The following PSMC6 variants were observed in gnomAD, a reference collection of about 807,000 sequenced individuals.
PSMC6 encodes the protein 26S proteasome regulatory subunit 10B.
A neutral mutation model predicts 55.9 loss-of-function variants in PSMC6; 3 were observed. The ratio of observed to expected loss-of-function variants is 0.05; its 90% CI spans 0.02 to 0.14. The LOEUF is 0.14. Ranked by LOEUF, PSMC6 falls within the 10% of genes least tolerant of loss-of-function variation. The pLI, the probability that PSMC6 is intolerant of heterozygous loss-of-function variation, is 1.00. For missense variants in PSMC6, 210 were observed against 478.7 expected, an observed-to-expected ratio of 0.44 and a Z score of 5.24; for synonymous variants, 137 against 155.9, an observed-to-expected ratio of 0.88 and a Z score of 0.90.
At chr14:52,713,393 G>A (rs2041796333) in intron 6 of PSMC6, among the ~76,000 whole-genome samples, 2 of 152,074 alleles carry the variant, frequency 1.3e-5, no homozygotes, top group African/African-American at 4.8e-5. Flanking sequence ...GATAAAAATT[G>A]TATATACCTT....
chr14:52,708,391 A>G lies in PSMC6; in HGVS notation c.165+3A>G. On this transcript the variant is annotated splice_donor_region_variant and intron_variant, in intron 2 of 13. Transcript: ENST00000445930. ...AGGCCCTACAGAGTGTTGGGCAGGT[A>G]GGTGATGGAGTTTGGGGAATAGGGG... The G allele has an allele frequency of 6.2e-7, 1 of 1,613,352 alleles. No homozygotes were observed. The highest frequency in any genetic ancestry group is 8.5e-7 in the Non-Finnish European group (1 of 1,179,298).
Position 52,727,524 on chromosome 14 carries a change from T to G in PSMC6, c.1077T>G (p.His359Gln). The G allele has an allele frequency of 6.2e-7, 1 of 1,612,040 alleles. No individual in the cohort carries two copies. The change falls in exon 14 of 14, where the codon CAT (histidine) becomes CAG (glutamine). Residue 359 changes from histidine (H) to glutamine (Q), a missense_variant. His to Gln is a conservative substitution (Grantham distance 24, BLOSUM62 0). Around this residue, in one of 4 missense-constraint regions of PSMC6, gnomAD observed 79 missense variants for 158.7 expected, o/e 0.50. Coordinates refer to ENST00000445930, the MANE Select transcript of PSMC6 (RefSeq NM_002806.5). ...EAGMFAIRAD[H>Q]DFVVQEDFMK... is the part of the protein sequence containing the mutation. ...GTATGTTCGCAATTCGTGCTGATCA[T>G]GATTTTGTAGTACAGGAAGACTTCA...
chr14:52,713,786 G>A (rs906412745), intron 6 of PSMC6, 95 bp from the exon 7 acceptor site: 2 of 756,770 alleles, frequency 2.6e-6, no homozygotes, highest in Non-Finnish European at 4.4e-6. Flanking sequence ...ATTATGATGT[G>A]TACACCTAAC....
At position 52,722,328 on chromosome 14, in the gene PSMC6, T is replaced by G. The variant is rs561546391; in HGVS notation, c.979+1138T>G. On this transcript the variant is annotated intron_variant, in intron 12 of 13. Coordinates refer to ENST00000445930, the MANE Select transcript of PSMC6 (RefSeq NM_002806.5). ...GTAGAAGGGGAATGCCGATGAGGAG[T>G]TGGCAGAGTTTTCTATAAGATGGAA... The G allele has an allele frequency of 2.0e-5, 3 of 151,394 alleles. No individual in the cohort carries two copies. The East Asian group carries it at 5.8e-4, about 29-fold the overall frequency. 9.4% of individuals were successfully genotyped at this position (151,394 alleles called of 1,614,324 possible). A position where few individuals can be genotyped will look rare whatever the true frequency, so the allele number is the denominator to read the frequency against.
intron 13 of PSMC6, among the ~76,000 whole-genome samples, chr14:52,725,052 T>C (rs1463987752): frequency 6.6e-6 from 1 of 152,222 alleles, no homozygotes; most frequent in South Asian, 2.1e-4. Flanking sequence ...ATGCTGTCAA[T>C]GCAAATTAGG....
intron 10 of PSMC6, among the ~76,000 whole-genome samples, chr14:52,720,419 T>C (rs1435140363): frequency 6.8e-6 from 1 of 147,070 alleles, no homozygotes; most frequent in East Asian, 2.0e-4. Flanking sequence ...TTATCAAATT[T>C]GTAGAAAAAT....
chr14:52,711,047 A>G, intron 4 of PSMC6, 54 bp from the exon 5 acceptor site: 1 of 786,428 alleles, frequency 1.3e-6, no homozygotes, highest in Non-Finnish European at 2.0e-6. Flanking sequence ...CTCTCGTTAG[A>G]GTGTTATTCC....
In PSMC6 at chr14:52,718,779, C is replaced by T. The variant is rs550732326; in HGVS notation, c.716-198C>T. On this transcript the variant is annotated intron_variant, in intron 9 of 13. Coordinates refer to ENST00000445930, the MANE Select transcript of PSMC6 (RefSeq NM_002806.5). The stretch of plus-strand genomic sequence containing the variant: ...CCAGCCTGGCGACAGAGCGAGACTC[C>T]GTCTCAATAAATAACCTTTCACTTT... 1.6e-4 allele frequency: 88 copies of T among 555,640 alleles called. No homozygotes were observed. In the Middle Eastern group the frequency reaches 2.0e-3, roughly 12 times the overall value. The allele number at this position is 555,640 out of a possible 1,614,324, so 34.4% of individuals were successfully genotyped here.
chr14:52,710,513 C>G (rs2041759831), intron 4 of PSMC6: 1 of 152,510 alleles, frequency 6.6e-6, no homozygotes, highest in South Asian at 2.1e-4. Context: ...CTAATTTTAG[C>G]CAGATAAGCC....
At chr14:52,720,738 T>A in intron 10 of PSMC6, 123 bp from the exon 11 acceptor site, 1 of 741,124 alleles carries the variant, frequency 1.3e-6, no homozygotes, top group Non-Finnish European at 2.1e-6. Flanking sequence ...CAAATGACCA[T>A]TCTGAAGATA....
At position 52,713,778 on chromosome 14, in the gene PSMC6, T is replaced by C. The variant is rs549397749; in HGVS notation, c.442-103T>C. The C allele has an allele frequency of 7.3e-4, 483 of 661,010 alleles. 5 individuals are homozygous for C. The African/African-American group carries it at 8.1e-3, about 11-fold the overall frequency. The allele number at this position is 661,010 out of a possible 1,614,324, so 40.9% of individuals were successfully genotyped here. On this transcript the variant is annotated intron_variant, in intron 6 of 13. Coordinates refer to ENST00000445930, the MANE Select transcript of PSMC6 (RefSeq NM_002806.5). ...ATGGAAGTCTAGGTCTATTAAGAAT[T>C]ATGATGTGTACACCTAACTAAGGTG...
intron 4 of PSMC6, chr14:52,709,612 T>G: frequency 2.2e-6 from 1 of 455,982 alleles, no homozygotes; most frequent in South Asian, 1.6e-5. Context: ...TTCTAAGATA[T>G]TTCAGGTTGC....
chr14:52,708,496 T>G lies in PSMC6; in HGVS notation c.179T>G (p.Val60Gly), dbSNP rs1286744683. 3 of 1,613,920 alleles carry G rather than the reference T, an allele frequency of 1.9e-6. No individual in the cohort carries two copies. Among genetic ancestry groups the G allele is most frequent in the Non-Finnish European group, 2.5e-6 (3 of 1,179,966 alleles). ...LQSVGQIVGE[V>G]LKQLTEEKFI... ...TTTCTTCCTTAGATCGTGGGTGAAG[T>G]GCTTAAACAGTTAACTGAAGAAAAA... The change falls in exon 3 of 14, where the codon GTG becomes GGG. Residue 60 changes from valine (V) to glycine (G), a missense_variant. By Grantham distance (109) the Val-to-Gly change is moderately radical. Coordinates refer to ENST00000445930, the MANE Select transcript of PSMC6 (RefSeq NM_002806.5).
At chr14:52,724,540 A>G (rs1000424289) in intron 13 of PSMC6, among the ~76,000 whole-genome samples, 2 of 152,258 alleles carry the variant, frequency 1.3e-5, no homozygotes, top group African/African-American at 4.8e-5. Flanking sequence ...TATCTGCTGC[A>G]AAATGAATTG....
At chr14:52,719,334 T>C (rs2041864283) in intron 10 of PSMC6, among the ~76,000 whole-genome samples, 1 of 152,224 alleles carries the variant, frequency 6.6e-6, no homozygotes. Context: ...GGTAGTTTTA[T>C]GAAGACATTT....
chr14:52,709,465 G>A, intron 4 of PSMC6: 1 of 340,184 alleles, frequency 2.9e-6, no homozygotes, highest in Non-Finnish European at 5.7e-6. Flanking sequence ...ATTTAATCCA[G>A]GAACTATAAA....
rs2041847230 is a variant in PSMC6 at position 52,717,918 on chromosome 14, C to T, written c.530-163C>T. Among the ~76,000 whole-genome samples the T allele has an allele frequency of 2.6e-5, 4 of 152,008 alleles. No individual in the cohort carries two copies. The South Asian group carries it at 6.2e-4, about 24-fold the overall frequency. ...TGGCACATGCCTGTCATCCCAGCTA[C>T]TTGGGAGGCTGAGGTGGGAAAATCG... On this transcript the variant is annotated intron_variant, in intron 7 of 13. Coordinates refer to ENST00000445930, the MANE Select transcript of PSMC6 (RefSeq NM_002806.5).
intron 7 of PSMC6, among the ~76,000 whole-genome samples, chr14:52,714,614 C>G (rs1594849731): frequency 6.6e-6 from 1 of 152,264 alleles, no homozygotes; most frequent in East Asian, 1.9e-4. Flanking sequence ...GTAATCCCAG[C>G]ACTTCGGGAG....
intron 9 of PSMC6, 181 bp from the exon 10 acceptor site, chr14:52,718,796 T>A (rs2041858579): frequency 1.7e-6 from 1 of 593,250 alleles, no homozygotes. Context: ...ATAAATAACC[T>A]TTCACTTTAA....
Sources: gnomAD v4.1 joint callset for allele counts (sites outside exome capture counted in the v4.1 genomes callset) on GRCh38, gnomAD v4.1.1 for gene constraint, gnomAD v4.1.1 regional missense constraint, MANE v1.5 for transcripts, NCBI Gene and HGNC (gene_info 2026-07-23, HGNC 2026-07-21) for gene names.